The following YIPF4 variants were observed in gnomAD, a reference collection of about 807,000 sequenced individuals.
YIPF4 encodes Yip1 domain family member 4.
A neutral mutation model predicts 29.4 loss-of-function variants in YIPF4; 18 were observed. The ratio of observed to expected loss-of-function variants is 0.61; its 90% CI spans 0.42 to 0.91. The LOEUF (loss-of-function observed/expected upper bound fraction) is 0.91, where lower values mean the gene tolerates loss of function less well. Ranked by LOEUF, YIPF4 falls within the 40% of genes least tolerant of loss-of-function variation. YIPF4 has a pLI of 0.00. For missense variants in YIPF4, 279 were observed against 282.7 expected (o/e 0.99, Z 0.09); for synonymous variants, 115 against 104.7 (o/e 1.10, Z -0.60).
chr2:32,291,625 A>G (rs1013290518), intron 2 of YIPF4, among the ~76,000 whole-genome samples: 2 of 152,218 alleles, frequency 1.3e-5, no homozygotes, highest in Admixed American at 1.3e-4. Context: ...ATATTAATTA[A>G]ACAGAAAAGT....
chr2:32,311,744 A>G lies in YIPF4; in HGVS notation c.*6118A>G, dbSNP rs1184922458. The G allele has an allele frequency of 2.0e-5, 3 of 152,204 alleles. No homozygotes were observed. The highest frequency in any genetic ancestry group is 2.4e-5 in the African/African-American group (1 of 41,466). The allele number at this position is 152,204 out of a possible 1,614,324, so 9.4% of individuals were successfully genotyped here. ...GAATAAAAACCTTGGTTTTTCTGTA[A>G]TATTTGCCACTGAGCAATTTTTATT... On this transcript the variant is annotated 3_prime_UTR_variant, in exon 6 of 6. Transcript: ENST00000238831.
rs554310157 is a variant in YIPF4 at position 32,302,520 on chromosome 2, G to A, written c.597+1025G>A. 6.2e-4 allele frequency among the ~76,000 whole-genome samples: 95 copies of A among 152,174 alleles called. No homozygotes were observed. In the South Asian group the frequency reaches 0.016, roughly 25 times the overall value. On this transcript the variant is annotated intron_variant, in intron 5 of 5. Coordinates refer to ENST00000238831, the MANE Select transcript of YIPF4 (RefSeq NM_032312.4). The stretch of plus-strand genomic sequence containing the variant: ...GTGGTTCTAATAAATTGGATTTTCC[G>A]TAGTGCAGAGATCAGGACTTCTTTG...
intron 3 of YIPF4, among the ~76,000 whole-genome samples, chr2:32,297,309 C>G (rs2031230538): frequency 1.3e-5 from 2 of 151,758 alleles, no homozygotes; most frequent in Non-Finnish European, 2.9e-5. Context: ...TTTTTTTTTA[C>G]AGGGTTTCTC....
intron 1 of YIPF4, 64 bp downstream of exon 1, chr2:32,278,298 T>C: frequency 1.4e-6 from 2 of 1,465,890 alleles, no homozygotes; most frequent in Non-Finnish European, 1.8e-6. Context: ...CCGTAGGGTC[T>C]TTCTGGTGCC....
At chr2:32,279,644 C>G (rs1362819742) in intron 1 of YIPF4, among the ~76,000 whole-genome samples, 2 of 150,496 alleles carry the variant, frequency 1.3e-5, no homozygotes, top group Non-Finnish European at 3.0e-5. Flanking sequence ...CTCCTGACCT[C>G]GTGATCCGTC....
chr2:32,304,509 T>C (rs1315999733), intron 5 of YIPF4, among the ~76,000 whole-genome samples: 1 of 152,170 alleles, frequency 6.6e-6, no homozygotes, highest in Non-Finnish European at 1.5e-5. Context: ...TTTTTACCTG[T>C]ATACCAGTGA....
intron 3 of YIPF4, among the ~76,000 whole-genome samples, chr2:32,295,999 T>C (rs571403685): frequency 6.6e-6 from 1 of 152,344 alleles, no homozygotes; most frequent in South Asian, 2.1e-4. Context: ...GATGCATTAC[T>C]ATACTAGTCC....
chr2:32,281,297 A>G (rs1203769179), intron 1 of YIPF4, among the ~76,000 whole-genome samples: 2 of 150,058 alleles, frequency 1.3e-5, no homozygotes, highest in Non-Finnish European at 1.5e-5. Flanking sequence ...GGTGGAGTGC[A>G]GTGGCTTGAT....
At chr2:32,296,900 T>G (rs186705938) in intron 3 of YIPF4, among the ~76,000 whole-genome samples, 1 of 152,360 alleles carries the variant, frequency 6.6e-6, no homozygotes, top group East Asian at 1.9e-4. Flanking sequence ...GATTTTTCTG[T>G]TTCCCTCAAT....
chr2:32,280,499 C>T (rs1245885244), intron 1 of YIPF4, among the ~76,000 whole-genome samples: 1 of 151,824 alleles, frequency 6.6e-6, no homozygotes. Flanking sequence ...CTGCCTCAGC[C>T]TCCCGAGTAG....
At chr2:32,283,791 C>T (rs904644719) in intron 1 of YIPF4, among the ~76,000 whole-genome samples, 3 of 151,322 alleles carry the variant, frequency 2.0e-5, no homozygotes, top group African/African-American at 7.3e-5. Flanking sequence ...AATCTTGGCT[C>T]ATTGCAACCT....
At position 32,297,227 on chromosome 2, in the gene YIPF4, C is replaced by T. The variant is rs978082177; in HGVS notation, c.406-1007C>T. 4.6e-5 allele frequency among the ~76,000 whole-genome samples: 7 copies of T among 152,034 alleles called. No homozygotes were observed. The South Asian group carries it at 1.0e-3, about 23-fold the overall frequency. On this transcript the variant is annotated intron_variant, in intron 3 of 5. Coordinates refer to ENST00000238831, the MANE Select transcript of YIPF4 (RefSeq NM_032312.4). ...GCAACCTCTGCCTCCCAGGTTCAAG[C>T]GATTCTCCAGCCTCAGCCTCCGGAA...
chr2:32,316,488 C>A lies in YIPF4; in HGVS notation c.*10862C>A, dbSNP rs2031837404. ...AGATATGATATTTCACTGATAGAGA[C>A]CAGCATGACTGTCTCAATTGTTAAA... On this transcript the variant is annotated 3_prime_UTR_variant, in exon 6 of 6. Transcript: ENST00000238831. 6.6e-6 allele frequency: 1 copy of A among 152,108 alleles called. No individual in the cohort carries two copies. The highest frequency in any genetic ancestry group is 1.5e-5 in the Non-Finnish European group (1 of 68,032). The allele number at this position is 152,108 out of a possible 1,614,324, so 9.4% of individuals were successfully genotyped here.
In YIPF4 at chr2:32,307,040, G is replaced by T; in HGVS notation, c.*1414G>T. ...AAACTTATTTTAAGCTGCAGAAAAA[G>T]TGTGGAGCACTTTTGAGCTAGAATA... On this transcript the variant is annotated 3_prime_UTR_variant, in exon 6 of 6. Transcript: ENST00000238831. 1 of 1,100,874 alleles carries T rather than the reference G, an allele frequency of 9.1e-7. No individual in the cohort carries two copies. Among genetic ancestry groups the T allele is most frequent in the Non-Finnish European group, 1.2e-6 (1 of 836,018 alleles). The allele number at this position is 1,100,874 out of a possible 1,614,324, so 68.2% of individuals were successfully genotyped here. A position where few individuals can be genotyped will look rare whatever the true frequency, so the allele number is the denominator to read the frequency against.
intron 2 of YIPF4, among the ~76,000 whole-genome samples, chr2:32,291,176 A>T (rs1437448161): frequency 2.6e-5 from 4 of 152,348 alleles, no homozygotes; most frequent in African/African-American, 7.2e-5. Context: ...GCATTTCCAG[A>T]TTCTTCTTTG....
chr2:32,280,133 A>AT (rs1423096620), intron 1 of YIPF4, among the ~76,000 whole-genome samples: 72 of 146,378 alleles, frequency 4.9e-4, no homozygotes, highest in African/African-American at 1.7e-3. Context: ...ATATATATAT[A>AT]TATTTTTTTT....
At chr2:32,296,330 A>T (rs1385013295) in intron 3 of YIPF4, among the ~76,000 whole-genome samples, 1 of 151,958 alleles carries the variant, frequency 6.6e-6, no homozygotes, top group African/African-American at 2.4e-5. Flanking sequence ...AAATTAGCTG[A>T]GCGTGGTAGC....
At chr2:32,304,714 C>T (rs2031518929) in intron 5 of YIPF4, among the ~76,000 whole-genome samples, 1 of 152,184 alleles carries the variant, frequency 6.6e-6, no homozygotes, top group South Asian at 2.1e-4. Flanking sequence ...GAAACTCTGC[C>T]TTGTGCCAGG....
chr2:32,285,656 C>CTT lies in YIPF4; in HGVS notation c.80-4812_80-4811dup, dbSNP rs1177156259. Among the ~76,000 whole-genome samples the CTT allele has an allele frequency of 5.8e-5, 8 of 137,888 alleles. 1 individual carries two copies. Among genetic ancestry groups the CTT allele is most frequent in the South Asian group, 2.3e-4 (1 of 4,356 alleles). 90.5% of individuals were successfully genotyped at this position (137,888 alleles called of 152,430 possible). On this transcript the variant is annotated intron_variant, in intron 1 of 5. Coordinates refer to ENST00000238831, the MANE Select transcript of YIPF4 (RefSeq NM_032312.4). ...TAGACAGAGGAATCTTTAGTTTTTC[C>CTT]TTTTTTTTTTTTTTTTGGAGACGGA...
Sources: allele counts gnomAD v4.1 joint callset (sites outside exome capture counted in the v4.1 genomes callset), GRCh38; gene constraint gnomAD v4.1.1; transcripts MANE v1.5; gene names NCBI Gene and HGNC (gene_info 2026-07-23, HGNC 2026-07-21).